GFOD2: variants seen among roughly 807,000 people sequenced by gnomAD.
The protein encoded by GFOD2 is Gfo/Idh/MocA-like oxidoreductase domain containing 2.
In GFOD2, 9 loss-of-function variants were observed where a neutral mutation model predicts 24.6. That is an observed-to-expected ratio of 0.37 (90% CI 0.22 to 0.64). The LOEUF (loss-of-function observed/expected upper bound fraction) is 0.64, where lower values mean the gene tolerates loss of function less well. Ranked by LOEUF, GFOD2 falls within the 30% of genes least tolerant of loss-of-function variation. GFOD2 has a pLI of 0.65. For synonymous variants in GFOD2, 211 were observed against 224.8 expected (o/e 0.94, Z 0.55); for missense variants, 476 against 532.5 (o/e 0.89, Z 1.04).
rs2053180394 is a variant in GFOD2, at chr16:67,675,790, A to G, written c.523T>C (p.Leu175=). Residue 175 remains leucine, a synonymous_variant, in exon 3 of 3, where the codon TTG becomes CTG. Transcript: ENST00000268797. ...ICDELMGGGG[L]HTMGTYIVDL... Reference sequence around the variant, plus strand: ...ACAATGTAGGTCCCCATGGTGTGCAAGCCCCCGCCGCCCATGAGCTCATCA... The same window carrying G: ...ACAATGTAGGTCCCCATGGTGTGCAGGCCCCCGCCGCCCATGAGCTCATCA... 6.2e-7 allele frequency: 1 copy of G among 1,614,152 alleles called. No individual in the cohort carries two copies. Among genetic ancestry groups the G allele is most frequent in the African/African-American group, 1.3e-5 (1 of 75,060 alleles).
At position 67,678,871 on chromosome 16, in the gene GFOD2, T is replaced by C. The variant is rs2053203348; in HGVS notation, c.260-2818A>G. On this transcript the variant is annotated intron_variant, in intron 2 of 2. Coordinates refer to ENST00000268797, the MANE Select transcript of GFOD2 (RefSeq NM_030819.4). ...CAGAGAAAAAAAGCCCATTGTGACT[T>C]GGATTTTAAGACTTGGCTGGGCGTG... Among the ~76,000 whole-genome samples the C allele has an allele frequency of 2.0e-5, 3 of 151,960 alleles. No homozygotes were observed. The East Asian group carries it at 5.8e-4, about 29-fold the overall frequency.
chr16:67,684,818 C>G, intron 2 of GFOD2: 2 of 985,774 alleles, frequency 2.0e-6, no homozygotes, highest in Non-Finnish European at 2.4e-6. Context: ...AGAAGACCAA[C>G]GGGAACTGTA....
At chr16:67,681,740 A>G (rs2053226597) in intron 2 of GFOD2, 1 of 985,270 alleles carries the variant, frequency 1.0e-6, no homozygotes, top group African/African-American at 1.7e-5. Context: ...CTTAGGGCTC[A>G]GTAGTATCAG....
At chr16:67,686,838 A>AAAAG (rs1022554854) in intron 1 of GFOD2, among the ~76,000 whole-genome samples, 86 of 151,814 alleles carry the variant, frequency 5.7e-4, no homozygotes, top group Middle Eastern at 3.4e-3. Flanking sequence ...CTCTATCCAA[A>AAAAG]AAAGAAAGAA....
chr16:67,693,212 T>C (rs2053329105), intron 1 of GFOD2, among the ~76,000 whole-genome samples: 1 of 152,070 alleles, frequency 6.6e-6, no homozygotes, highest in South Asian at 2.1e-4. Context: ...TGCATCTGCA[T>C]ATTTAGCCAG....
intron 1 of GFOD2, among the ~76,000 whole-genome samples, chr16:67,703,082 G>A (rs1048593846): frequency 7.9e-5 from 12 of 152,126 alleles, no homozygotes; most frequent in African/African-American, 2.7e-4. Flanking sequence ...TCTTTATAAC[G>A]TTGGGGTTTT....
chr16:67,700,489 C>A (rs758953582), intron 1 of GFOD2, among the ~76,000 whole-genome samples: 29 of 152,132 alleles, frequency 1.9e-4, no homozygotes, highest in Non-Finnish European at 3.4e-4. Context: ...GGCACGGTGG[C>A]TCACCTGAGG....
At chr16:67,708,221 C>A (rs2053451212) in intron 1 of GFOD2, among the ~76,000 whole-genome samples, 1 of 152,160 alleles carries the variant, frequency 6.6e-6, no homozygotes, top group South Asian at 2.1e-4. Flanking sequence ...CCTGTTCACA[C>A]CTTGCAAATT....
intron 2 of GFOD2, 154 bp from the exon 3 acceptor site, chr16:67,676,207 A>G (rs576756210): frequency 3.8e-5 from 27 of 709,630 alleles, no homozygotes; most frequent in Admixed American, 2.9e-4. Context: ...TATGCTGCCC[A>G]GGCTAGTCTC....
chr16:67,695,870 G>C (rs1301638346), intron 1 of GFOD2, among the ~76,000 whole-genome samples: 1 of 151,982 alleles, frequency 6.6e-6, no homozygotes. Flanking sequence ...AATTGTTACA[G>C]GGCTAAGGGA....
intron 1 of GFOD2, among the ~76,000 whole-genome samples, chr16:67,687,640 C>CAAAAAA (rs11302803): frequency 2.0e-5 from 1 of 49,150 alleles, no homozygotes; most frequent in African/African-American, 6.1e-5. Context: ...GACTCCGTCT[C>CAAAAAA]AAAAAAAAAA....
At chr16:67,676,632 C>T (rs1216521618) in intron 2 of GFOD2, 1 of 152,342 alleles carries the variant, frequency 6.6e-6, no homozygotes. Flanking sequence ...AGTCATAACT[C>T]CAGAGAGGGC....
At chr16:67,679,520 C>T (rs988626452) in intron 2 of GFOD2, among the ~76,000 whole-genome samples, 1 of 152,018 alleles carries the variant, frequency 6.6e-6, no homozygotes, top group Non-Finnish European at 1.5e-5. Flanking sequence ...TGAGCCACCG[C>T]GTCGGCCCCA....
intron 1 of GFOD2, among the ~76,000 whole-genome samples, chr16:67,692,822 T>C (rs1016252533): frequency 1.3e-5 from 2 of 150,844 alleles, no homozygotes; most frequent in African/African-American, 4.9e-5. Context: ...GTCAGGAGAT[T>C]GAGACCATCC....
intron 1 of GFOD2, among the ~76,000 whole-genome samples, chr16:67,691,779 T>A (rs1466020801): frequency 6.6e-6 from 1 of 152,146 alleles, no homozygotes; most frequent in Non-Finnish European, 1.5e-5. Context: ...AATAAATTAA[T>A]GAACTCACTG....
intron 1 of GFOD2, among the ~76,000 whole-genome samples, chr16:67,708,992 T>A (rs765929581): frequency 1.1e-4 from 16 of 152,092 alleles, no homozygotes; most frequent in Non-Finnish European, 1.6e-4. Flanking sequence ...GTGAGACAGA[T>A]CCTCAACCTA....
chr16:67,695,844 T>C (rs2053354597), intron 1 of GFOD2, among the ~76,000 whole-genome samples: 1 of 151,988 alleles, frequency 6.6e-6, no homozygotes, highest in Non-Finnish European at 1.5e-5. Flanking sequence ...CCAAATTTTG[T>C]TGGTCATTAA....
chr16:67,681,573 T>TA (rs1207245495), intron 2 of GFOD2: 9 of 518,950 alleles, frequency 1.7e-5, no homozygotes, highest in Non-Finnish European at 2.2e-5. Flanking sequence ...TGTGCCCAGC[T>TA]AATTTTTTGT....
Position 67,685,633 on chromosome 16 carries a change from A to G in GFOD2, c.83T>C (p.Phe28Ser), listed in dbSNP as rs1475188546. The G allele has an allele frequency of 1.9e-6, 3 of 1,614,038 alleles. No individual in the cohort carries two copies. Among genetic ancestry groups the G allele is most frequent in the Non-Finnish European group, 2.5e-6 (3 of 1,180,028 alleles). Residue 28 changes from phenylalanine (F) to serine (S), a missense_variant, in exon 2 of 3, where the codon TTC (phenylalanine) becomes TCC (serine). Physicochemically the swap from Phe to Ser is radical, Grantham distance 155 (BLOSUM62 -2). Coordinates refer to ENST00000268797, the MANE Select transcript of GFOD2 (RefSeq NM_030819.4). Reference sequence around the variant, plus strand: ...CTTCCCCCACAGGGCCTCAACAGTGAACCCTTCTGCCCTCAGCAGTGGGAC... The same window carrying G: ...CTTCCCCCACAGGGCCTCAACAGTGGACCCTTCTGCCCTCAGCAGTGGGAC... ...VLVPLLRAEG[F>S]TVEALWGKTE...
Sources: allele counts gnomAD v4.1 joint callset (sites outside exome capture counted in the v4.1 genomes callset), GRCh38; gene constraint gnomAD v4.1.1; transcripts MANE v1.5; gene names NCBI Gene and HGNC (gene_info 2026-07-23, HGNC 2026-07-21).